The following ACTR3C variants were observed in gnomAD, a reference collection of about 807,000 sequenced individuals.
ACTR3C encodes the protein actin related protein 3C.
Under a neutral mutation model 26.3 loss-of-function variants are expected in ACTR3C, and 18 were observed. That is an observed-to-expected ratio of 0.68 (90% CI 0.47 to 1.01). The LOEUF is 1.01. Among genes scored for constraint, ACTR3C ranks in the 50% least tolerant of loss-of-function variants. ACTR3C has a pLI of 0.00. For synonymous variants in ACTR3C, 55 were observed against 94.5 expected (o/e 0.58, Z 2.42); for missense variants, 184 against 250.7 (o/e 0.73, Z 1.80).
At chr7:150,051,130 T>C in the ACTR3C span, among the ~76,000 whole-genome samples, 1 of 145,550 alleles carries the variant, frequency 6.9e-6, no homozygotes, top group Non-Finnish European at 1.5e-5. Flanking sequence ...AAATGTTCTA[T>C]ACCTCGTGTG....
the ACTR3C span, among the ~76,000 whole-genome samples, chr7:150,210,776 C>T: frequency 6.7e-6 from 1 of 149,084 alleles, no homozygotes; most frequent in Non-Finnish European, 1.5e-5. Flanking sequence ...GCATGAGGCA[C>T]CTTCTGGGAA....
chr7:150,198,150 A>G, the ACTR3C span, among the ~76,000 whole-genome samples: 7 of 150,824 alleles, frequency 4.6e-5, no homozygotes, highest in East Asian at 1.9e-4. Context: ...TCAGTGCTCA[A>G]TGGTGCCCAG....
At chr7:149,963,342 T>C in the ACTR3C span, among the ~76,000 whole-genome samples, 6 of 152,352 alleles carry the variant, frequency 3.9e-5, no homozygotes, top group South Asian at 1.0e-3. Context: ...TCGGTTTATC[T>C]ACTCTTTAAC....
chr7:150,271,116 A>C lies in ACTR3C; in HGVS notation c.564+13637T>G, dbSNP rs1270535122. On this transcript the variant is annotated intron_variant, in intron 6 of 7. Coordinates refer to ENST00000683684, the MANE Select transcript of ACTR3C (RefSeq NM_001164458.2). Reference sequence around the variant, plus strand: ...GTCAAATGACTTGCCATCTCCTAATAGAGCAAAAAGTGGTCAGTGGCTGTA... The same window carrying C: ...GTCAAATGACTTGCCATCTCCTAATCGAGCAAAAAGTGGTCAGTGGCTGTA... Among the ~76,000 whole-genome samples the C allele has an allele frequency of 1.5e-5, 2 of 137,824 alleles. 1 individual carries two copies. Among genetic ancestry groups the C allele is most frequent in the Non-Finnish European group, 3.0e-5 (2 of 67,350 alleles). 90.4% of individuals were successfully genotyped at this position (137,824 alleles called of 152,430 possible).
At chr7:150,084,867 C>T in the ACTR3C span, among the ~76,000 whole-genome samples, 5 of 152,058 alleles carry the variant, frequency 3.3e-5, no homozygotes, top group Non-Finnish European at 7.4e-5. Context: ...GGAGTGACTT[C>T]AGAGATTCCA....
the ACTR3C span, among the ~76,000 whole-genome samples, chr7:150,174,834 G>A: frequency 2.0e-5 from 3 of 148,322 alleles, no homozygotes; most frequent in Non-Finnish European, 2.9e-5. Context: ...TCTACACAAA[G>A]TCTTCCAGTC....
At chr7:149,883,519 C>A in the ACTR3C span, among the ~76,000 whole-genome samples, 1 of 152,266 alleles carries the variant, frequency 6.6e-6, no homozygotes, top group Non-Finnish European at 1.5e-5. Context: ...AGACAGAGGA[C>A]AAAGCCACTG....
At chr7:150,264,984 G>A in intron 6 of ACTR3C, 3 of 593,644 alleles carry the variant, frequency 5.1e-6, no homozygotes, top group Non-Finnish European at 6.3e-6. Context: ...ACCTTCTTAA[G>A]ACATACATGG....
chr7:150,274,943 GC>G lies in ACTR3C; in HGVS notation c.564+9809del, dbSNP rs1834749061. On this transcript the variant is annotated intron_variant, in intron 6 of 7. Coordinates refer to ENST00000683684, the MANE Select transcript of ACTR3C (RefSeq NM_001164458.2). This position sits in a 1 kb window ranked among gnomAD's most constrained non-coding sequence, Gnocchi z 4.1. ...TCTTCTGGACACTTTCCGGACACCA[GC>G]CCACAGTCATTCCCTCCCACAGCCC... 6.6e-6 allele frequency among the ~76,000 whole-genome samples: 1 copy of G among 152,186 alleles called. No individual in the cohort carries two copies. The highest frequency in any genetic ancestry group is 6.5e-5 in the Admixed American group (1 of 15,282).
chr7:150,168,981 G>T, the ACTR3C span, among the ~76,000 whole-genome samples: 1 of 150,658 alleles, frequency 6.6e-6, no homozygotes, highest in African/African-American at 2.5e-5. Context: ...TTTATATATT[G>T]AATCCCTAAC....
the ACTR3C span, among the ~76,000 whole-genome samples, chr7:150,042,865 A>T: frequency 7.3e-5 from 11 of 151,032 alleles, no homozygotes; most frequent in African/African-American, 2.7e-4. Context: ...GACGCATACA[A>T]TGGAAAAGGC....
At chr7:149,990,673 A>G in the ACTR3C span, among the ~76,000 whole-genome samples, 1 of 146,904 alleles carries the variant, frequency 6.8e-6, no homozygotes, top group African/African-American at 2.5e-5. Flanking sequence ...ATGCTATGGG[A>G]GCAAAGAAGG....
the ACTR3C span, among the ~76,000 whole-genome samples, chr7:150,003,866 G>A: frequency 5.9e-3 from 896 of 151,984 alleles, no homozygotes; most frequent in Non-Finnish European, 0.01. Flanking sequence ...TGTGTGGTAT[G>A]TGATGTGGTA....
chr7:149,956,240 T>C, the ACTR3C span, among the ~76,000 whole-genome samples: 1 of 152,186 alleles, frequency 6.6e-6, no homozygotes, highest in Admixed American at 6.5e-5. Context: ...AGCTCTATAA[T>C]AAGCTGAATC....
the ACTR3C span, among the ~76,000 whole-genome samples, chr7:150,193,991 GACACACACAC>G: frequency 3.0e-5 from 4 of 131,978 alleles, no homozygotes; most frequent in Non-Finnish European, 5.0e-5. Flanking sequence ...TACACACACA[GACACACACAC>G]ACACACACAC....
At chr7:150,110,550 GATTCA>G in the ACTR3C span, among the ~76,000 whole-genome samples, 1 of 87,792 alleles carries the variant, frequency 1.1e-5, no homozygotes, top group African/African-American at 4.7e-5. Flanking sequence ...CTTACTAAGA[GATTCA>G]CTCTGGCTGG....
chr7:150,226,250 T>C, the ACTR3C span, among the ~76,000 whole-genome samples: 2 of 152,194 alleles, frequency 1.3e-5, no homozygotes, highest in African/African-American at 2.4e-5. Flanking sequence ...TGAGAGTATG[T>C]TTAGCTTTTT....
At chr7:150,068,154 T>C in the ACTR3C span, among the ~76,000 whole-genome samples, 1 of 152,202 alleles carries the variant, frequency 6.6e-6, no homozygotes, top group Admixed American at 6.5e-5. Context: ...ATCAGGGAAA[T>C]GGCTGTCTGG....
At chr7:149,915,629 A>G in the ACTR3C span, among the ~76,000 whole-genome samples, 35,781 of 151,206 alleles carry the variant, frequency 0.24, 5,090 homozygotes, top group African/African-American at 0.4. Flanking sequence ...ATGCAAAGCC[A>G]TTCAAAACTG....
Sources: gnomAD v4.1 joint callset for allele counts (sites outside exome capture counted in the v4.1 genomes callset) on GRCh38, gnomAD v4.1.1 for gene constraint, Gnocchi (gnomAD v3.1) non-coding constraint, MANE v1.5 for transcripts, NCBI Gene and HGNC (gene_info 2026-07-23, HGNC 2026-07-21) for gene names.